The following MGLL variants were observed in gnomAD, a reference collection of about 807,000 sequenced individuals.
The protein encoded by MGLL is monoglyceride lipase, also known as lysophospholipase homolog.
In MGLL, 7 loss-of-function variants were observed where a neutral mutation model predicts 29.1. The ratio of observed to expected loss-of-function variants is 0.24; its 90% CI spans 0.14 to 0.45. The LOEUF is 0.45. MGLL is among the 20% of genes least tolerant of loss of function. MGLL has a pLI of 0.99. For synonymous variants in MGLL, 148 were observed against 168.3 expected, an observed-to-expected ratio of 0.88 and a Z score of 0.93; for missense variants, 356 against 413.6, an observed-to-expected ratio of 0.86 and a Z score of 1.21.
chr3:127,708,339 A>G (rs2075643260), intron 6 of MGLL, among the ~76,000 whole-genome samples: 1 of 152,288 alleles, frequency 6.6e-6, no homozygotes, highest in Non-Finnish European at 1.5e-5. Flanking sequence ...ATGTCTTCTC[A>G]GCAGGGACAT....
intron 3 of MGLL, among the ~76,000 whole-genome samples, chr3:127,749,633 C>G (rs1371091764): frequency 2.6e-5 from 4 of 152,128 alleles, no homozygotes; most frequent in Non-Finnish European, 5.9e-5. Flanking sequence ...TCCTGTGGCC[C>G]AGAGCAGATT....
intron 3 of MGLL, among the ~76,000 whole-genome samples, chr3:127,779,956 C>T (rs13323956): frequency 0.091 from 13,920 of 152,242 alleles, 765 homozygotes; most frequent in South Asian, 0.15. Context: ...GGTTCATTTC[C>T]TGAATTAAAC....
chr3:127,733,798 G>A (rs1026739573), intron 3 of MGLL, among the ~76,000 whole-genome samples: 1 of 152,226 alleles, frequency 6.6e-6, no homozygotes, highest in Non-Finnish European at 1.5e-5. Flanking sequence ...ACCCTATGCA[G>A]CCATCGCTCT....
chr3:127,704,791 T>A (rs1333271553), intron 6 of MGLL, among the ~76,000 whole-genome samples: 6 of 152,290 alleles, frequency 3.9e-5, no homozygotes. Flanking sequence ...ACATTGTTGG[T>A]GAGAATGTAA....
rs1164442256 is a variant in MGLL, at chr3:127,692,056, T to A, written c.*142A>T. On this transcript the variant is annotated 3_prime_UTR_variant, in exon 8 of 8. Transcript: ENST00000265052. ...AATGTATAACAAAAATGTCTGTTATTTTTTAGAAAATTGTGCTAAGGATTT... is the reference window on the plus strand; with the variant it reads ...AATGTATAACAAAAATGTCTGTTATATTTTAGAAAATTGTGCTAAGGATTT... 13 of 1,207,588 alleles carry A rather than the reference T, an allele frequency of 1.1e-5. No individual in the cohort carries two copies. The highest frequency in any genetic ancestry group is 1.5e-5 in the African/African-American group (1 of 64,924). 74.8% of individuals were successfully genotyped at this position (1,207,588 alleles called of 1,614,324 possible).
chr3:127,794,693 T>G (rs1447476968), intron 2 of MGLL, among the ~76,000 whole-genome samples: 1 of 152,222 alleles, frequency 6.6e-6, no homozygotes, highest in African/African-American at 2.4e-5. Flanking sequence ...TGTGGAACTT[T>G]CTTCTATGAT....
chr3:127,780,672 C>T (rs994124891), intron 3 of MGLL, among the ~76,000 whole-genome samples: 1 of 152,262 alleles, frequency 6.6e-6, no homozygotes. Flanking sequence ...AATGTCCCAG[C>T]AAGCTTTTCA....
intron 3 of MGLL, among the ~76,000 whole-genome samples, chr3:127,734,418 GT>G (rs2076207638): frequency 6.6e-6 from 1 of 152,166 alleles, no homozygotes; most frequent in Non-Finnish European, 1.5e-5. Context: ...GGGGTCTGCA[GT>G]GCGCCCGTGC....
At chr3:127,696,007 C>T (rs952863865) in intron 6 of MGLL, among the ~76,000 whole-genome samples, 2 of 152,150 alleles carry the variant, frequency 1.3e-5, no homozygotes, top group East Asian at 1.9e-4. Flanking sequence ...GGAGGGGCTT[C>T]GGCCAGGCAC....
chr3:127,709,830 G>A (rs895613967), intron 6 of MGLL, among the ~76,000 whole-genome samples: 5 of 152,154 alleles, frequency 3.3e-5, no homozygotes, highest in African/African-American at 4.8e-5. Context: ...ACCTACCCAC[G>A]TTCCCAGGCT....
chr3:127,698,206 G>A (rs930841363), intron 6 of MGLL, among the ~76,000 whole-genome samples: 6 of 152,188 alleles, frequency 3.9e-5, no homozygotes, highest in Non-Finnish European at 7.3e-5. Flanking sequence ...AGCCTGGACC[G>A]GAGGTGAGGG....
intron 2 of MGLL, among the ~76,000 whole-genome samples, chr3:127,811,260 CAGGTATGAAACTCTACA>C (rs2077657008): frequency 7.4e-6 from 1 of 135,902 alleles, no homozygotes; most frequent in South Asian, 2.1e-4. Context: ...TATTTTGTGC[CAGGTATGAAACTCTACA>C]AGAGGCATGT....
chr3:127,777,007 T>C (rs1481174768), intron 3 of MGLL, among the ~76,000 whole-genome samples: 1 of 150,320 alleles, frequency 6.7e-6, no homozygotes, highest in Non-Finnish European at 1.5e-5. Flanking sequence ...GGATAATACA[T>C]GCTATAAAAA....
At chr3:127,789,115 G>C (rs879617771) in intron 2 of MGLL, among the ~76,000 whole-genome samples, 9 of 152,184 alleles carry the variant, frequency 5.9e-5, no homozygotes, top group Non-Finnish European at 7.3e-5. Context: ...AAAAGGGGTG[G>C]GGGGATGTGC....
intron 6 of MGLL, among the ~76,000 whole-genome samples, chr3:127,701,960 C>G (rs2075499482): frequency 6.6e-6 from 1 of 152,212 alleles, no homozygotes; most frequent in Non-Finnish European, 1.5e-5. Context: ...TGTATCTTCA[C>G]CAGCACCTCC....
intron 2 of MGLL, among the ~76,000 whole-genome samples, chr3:127,813,012 G>A (rs1040907527): frequency 2.0e-5 from 3 of 152,096 alleles, no homozygotes; most frequent in South Asian, 2.1e-4. Context: ...CTTCTAAAAC[G>A]TCTAAAGACA....
intron 3 of MGLL, among the ~76,000 whole-genome samples, chr3:127,753,646 G>T (rs1384922505): frequency 6.6e-6 from 1 of 152,248 alleles, no homozygotes; most frequent in Non-Finnish European, 1.5e-5. Flanking sequence ...TGCACAGACA[G>T]CATAACCTCT....
At chr3:127,733,131 A>C (rs1446520903) in intron 3 of MGLL, among the ~76,000 whole-genome samples, 4 of 152,204 alleles carry the variant, frequency 2.6e-5, no homozygotes, top group Non-Finnish European at 4.4e-5. Context: ...AACCGGTTGC[A>C]GTAAAGAAGC....
chr3:127,794,572 G>A (rs2077353746), intron 2 of MGLL, among the ~76,000 whole-genome samples: 1 of 152,134 alleles, frequency 6.6e-6, no homozygotes, highest in Non-Finnish European at 1.5e-5. Context: ...ATGTAAGGCT[G>A]TCTTCTGTGA....
Sources: allele counts gnomAD v4.1 joint callset (sites outside exome capture counted in the v4.1 genomes callset), GRCh38; gene constraint gnomAD v4.1.1; transcripts MANE v1.5; gene names NCBI Gene and HGNC (gene_info 2026-07-23, HGNC 2026-07-21).